The following ZBBX variants were observed in gnomAD, a reference collection of about 807,000 sequenced individuals.
The protein encoded by ZBBX is zinc finger B-box domain-containing protein 1.
Under a neutral mutation model 108.5 loss-of-function variants are expected in ZBBX, and 101 were observed. The observed-to-expected ratio is 0.93, with a 90% CI of 0.79 to 1.10. The LOEUF (loss-of-function observed/expected upper bound fraction) is 1.10. Ranked by LOEUF, ZBBX falls within the 50% of genes least tolerant of loss-of-function variation. ZBBX has a pLI of 0.00. For missense variants in ZBBX, 1,009 were observed against 941.4 expected, an observed-to-expected ratio of 1.07 and a Z score of -0.94; for synonymous variants, 356 against 323.4, an observed-to-expected ratio of 1.10 and a Z score of -1.08.
the ZBBX span, among the ~76,000 whole-genome samples, chr3:167,185,409 C>T: frequency 6.6e-6 from 1 of 152,044 alleles, no homozygotes; most frequent in African/African-American, 2.4e-5. Context: ...AGGAATGGAA[C>T]TTTTGTGATA....
Position 167,253,212 on chromosome 3 carries a change from G to A in ZBBX, c.2255-10569C>T, listed in dbSNP as rs78381971. Among the ~76,000 whole-genome samples, 34 of 152,212 alleles carry A rather than the reference G, an allele frequency of 2.2e-4. No individual in the cohort carries two copies. The East Asian group carries it at 6.2e-3, about 28-fold the overall frequency. ...AGTCAACCAAATAAAATTTATTGAG[G>A]TGTGGCTGGGTGTTATTCCAATACA... On this transcript the variant is annotated intron_variant, in intron 20 of 21. Coordinates refer to ENST00000675490, the MANE Select transcript of ZBBX (RefSeq NM_001199201.2).
At chr3:167,281,443 G>A (rs1728798210) in intron 20 of ZBBX, among the ~76,000 whole-genome samples, 1 of 152,096 alleles carries the variant, frequency 6.6e-6, no homozygotes, top group Non-Finnish European at 1.5e-5. Context: ...ATCAATAAAG[G>A]AAGAGACCAC....
At chr3:167,330,775 G>A (rs1170699519) in intron 10 of ZBBX, among the ~76,000 whole-genome samples, 2 of 109,530 alleles carry the variant, frequency 1.8e-5, no homozygotes, top group African/African-American at 6.9e-5. Context: ...AAGAAAAGAA[G>A]AAAAGGAGAA....
chr3:167,345,443 A>G (rs377405913), intron 9 of ZBBX, among the ~76,000 whole-genome samples: 2 of 152,060 alleles, frequency 1.3e-5, no homozygotes, highest in South Asian at 2.1e-4. Context: ...TTGTTCACAT[A>G]CATTTAAAAT....
intron 9 of ZBBX, among the ~76,000 whole-genome samples, 161 bp from the exon 10 acceptor site, chr3:167,334,146 A>T (rs772360178): frequency 6.6e-6 from 1 of 152,228 alleles, no homozygotes; most frequent in Non-Finnish European, 1.5e-5. Flanking sequence ...CAAGTATAAT[A>T]GTGACAGCTG....
chr3:167,233,857 C>A, the ZBBX span, among the ~76,000 whole-genome samples: 2 of 151,766 alleles, frequency 1.3e-5, no homozygotes, highest in African/African-American at 4.8e-5. Context: ...AATCCTGTGA[C>A]AACATAAATT....
intron 9 of ZBBX, among the ~76,000 whole-genome samples, chr3:167,334,333 G>A (rs1255758432): frequency 3.3e-5 from 5 of 152,152 alleles, no homozygotes; most frequent in Admixed American, 1.3e-4. Context: ...AGCACCTTGG[G>A]AGGCTGAGGC....
At chr3:167,179,139 C>G in the ZBBX span, among the ~76,000 whole-genome samples, 3 of 151,852 alleles carry the variant, frequency 2.0e-5, no homozygotes, top group Non-Finnish European at 2.9e-5. Context: ...GTAGCCCAGA[C>G]AAAGTGAGAA....
intron 20 of ZBBX, among the ~76,000 whole-genome samples, chr3:167,280,439 T>C (rs376363815): frequency 3.5e-4 from 52 of 148,800 alleles, no homozygotes; most frequent in South Asian, 1.9e-3. Context: ...AAAAAGTGGG[T>C]GAAGGACATG....
chr3:167,327,259 TA>T (rs11310792), intron 11 of ZBBX, among the ~76,000 whole-genome samples: 124,349 of 150,676 alleles, frequency 0.83, 51,333 homozygotes, highest in East Asian at 0.9. Context: ...TCAAATATTC[TA>T]AAAAAAAAAA....
intron 8 of ZBBX, among the ~76,000 whole-genome samples, chr3:167,358,193 T>TA (rs969580954): frequency 2.6e-5 from 4 of 151,142 alleles, no homozygotes; most frequent in Admixed American, 2.0e-4. Flanking sequence ...TAAAGTAAAA[T>TA]AAAAAAATAA....
the ZBBX span, among the ~76,000 whole-genome samples, chr3:167,190,919 G>A: frequency 6.6e-6 from 1 of 152,156 alleles, no homozygotes; most frequent in Non-Finnish European, 1.5e-5. Flanking sequence ...TAGGGTCTAT[G>A]CTTATCTTCA....
chr3:167,366,055 G>A, intron 5 of ZBBX, 79 bp from the exon 6 acceptor site: 1 of 1,103,936 alleles, frequency 9.1e-7, no homozygotes. Flanking sequence ...CAGTGTTCCT[G>A]TTTCAGAAAA....
chr3:167,227,194 C>T, the ZBBX span, among the ~76,000 whole-genome samples: 7 of 151,818 alleles, frequency 4.6e-5, no homozygotes, highest in Middle Eastern at 3.4e-3. Context: ...CATATTCCTA[C>T]GCAGAGTCTA....
intron 20 of ZBBX, among the ~76,000 whole-genome samples, chr3:167,262,861 T>C (rs1224693586): frequency 6.6e-6 from 1 of 152,168 alleles, no homozygotes; most frequent in Non-Finnish European, 1.5e-5. Flanking sequence ...TCATTTTTCC[T>C]TAATCTGGTT....
rs1260844003 is a variant in ZBBX, at chr3:167,380,264, T to A, written c.-304A>T. On this transcript the variant is annotated 5_prime_UTR_variant, in exon 1 of 22. Coordinates refer to ENST00000675490, the MANE Select transcript of ZBBX (RefSeq NM_001199201.2). ...CAACCCACCTGGAGACCCCAGCCTC[T>A]CGCGTCACCACCGCCGGATGGCCGC... is the stretch of plus-strand genomic sequence containing the variant. The A allele has an allele frequency of 6.6e-6, 1 of 152,248 alleles. No homozygotes were observed. Among genetic ancestry groups the A allele is most frequent in the East Asian group, 1.9e-4 (1 of 5,176 alleles). 9.4% of individuals were successfully genotyped at this position (152,248 alleles called of 1,614,324 possible). A position where few individuals can be genotyped will look rare whatever the true frequency, so the allele number is the denominator to read the frequency against.
chr3:167,383,388 T>C (rs995979789), upstream of ZBBX, among the ~76,000 whole-genome samples: 9 of 152,046 alleles, frequency 5.9e-5, no homozygotes, highest in African/African-American at 2.2e-4. Context: ...TTTCAACTTG[T>C]CAAGAAAACT....
At chr3:167,310,297 A>G (rs1734358772) in intron 16 of ZBBX, among the ~76,000 whole-genome samples, 2 of 152,096 alleles carry the variant, frequency 1.3e-5, no homozygotes, top group Non-Finnish European at 2.9e-5. Context: ...GCTTTCCCAC[A>G]TCTTCTTTTC....
rs566449616 is a variant in ZBBX, at chr3:167,400,993, T to C, written c.-446+6733A>G. Among the ~76,000 whole-genome samples the C allele has an allele frequency of 3.4e-3, 513 of 152,282 alleles. 2 individuals are homozygous for C. The highest frequency in any genetic ancestry group is 6.8e-3 in the Middle Eastern group (2 of 294). The stretch of plus-strand genomic sequence containing the variant: ...TCCCAGCTTGACTTTTCCCTTTAGC[T>C]TAGTGATTTTGGGATCCCCAAGATT... On this transcript the variant is annotated intron_variant, in intron 1 of 21. Transcript: ENST00000455345.
Sources: gnomAD v4.1 joint callset for allele counts (sites outside exome capture counted in the v4.1 genomes callset) on GRCh38, gnomAD v4.1.1 for gene constraint, MANE v1.5 for transcripts, NCBI Gene and HGNC (gene_info 2026-07-23, HGNC 2026-07-21) for gene names.